Variants in DNMBP observed in about 807,000 individuals in gnomAD.
The protein encoded by DNMBP is dynamin binding protein.
Under a neutral mutation model 150.0 loss-of-function variants are expected in DNMBP, and 87 were observed. The ratio of observed to expected loss-of-function variants is 0.58; its 90% confidence interval spans 0.49 to 0.69. The LOEUF (loss-of-function observed/expected upper bound fraction) is 0.69, where lower values mean the gene tolerates loss of function less well. Ranked by LOEUF, DNMBP falls within the 30% of genes least tolerant of loss-of-function variation. The pLI is 0.00. For synonymous variants in DNMBP, 711 were observed against 750.4 expected (o/e 0.95, Z 0.86); for missense variants, 1,774 against 1,949.0 (o/e 0.91, Z 1.69).
In DNMBP at chr10:99,986,620, A is replaced by AAAAAAAC. The variant is rs1480261653; in HGVS notation, c.-10-14487_-10-14486insGTTTTTT. ...AAAAAAAAAAAAAAAAAAAAAAAAA[A>AAAAAAAC]AAAAACCTGCAAGGCAGGATAATAT... is the stretch of plus-strand genomic sequence containing the variant. On this transcript the variant is annotated intron_variant, in intron 1 of 16. Transcript: ENST00000324109. Among the ~76,000 whole-genome samples, 9 of 136,562 alleles carry AAAAAAAC rather than the reference A, an allele frequency of 6.6e-5. No individual in the cohort carries two copies. In the South Asian group the frequency reaches 9.1e-4, roughly 14 times the overall value. The allele number at this position is 136,562 out of a possible 152,430, so 89.6% of individuals were successfully genotyped here.
At chr10:99,892,440 G>T (rs1045931883) in intron 11 of DNMBP, among the ~76,000 whole-genome samples, 1 of 134,144 alleles carries the variant, frequency 7.5e-6, no homozygotes. Flanking sequence ...TTGGGATCCT[G>T]TTGATCTGTG....
At chr10:100,008,886 G>T (rs2041102805) in intron 1 of DNMBP, among the ~76,000 whole-genome samples, 1 of 152,150 alleles carries the variant, frequency 6.6e-6, no homozygotes, top group Non-Finnish European at 1.5e-5. Context: ...CTGCTCATCC[G>T]TTTAACTCAG....
chr10:99,879,374 G>A (rs1031759576), intron 16 of DNMBP, among the ~76,000 whole-genome samples: 2 of 152,044 alleles, frequency 1.3e-5, no homozygotes, highest in African/African-American at 4.8e-5. Context: ...TGAGGCATGA[G>A]AAATGAGAAT....
In DNMBP at chr10:99,880,499, C is replaced by T. The variant is rs1378439672; in HGVS notation, c.3998-138G>A. 3 of 1,206,896 alleles carry T rather than the reference C, an allele frequency of 2.5e-6. No individual in the cohort carries two copies. In the African/African-American group the frequency reaches 4.6e-5, roughly 19 times the overall value. The allele number at this position is 1,206,896 out of a possible 1,614,324, so 74.8% of individuals were successfully genotyped here. A position where few individuals can be genotyped will look rare whatever the true frequency, so the allele number is the denominator to read the frequency against. On this transcript the variant is annotated intron_variant, in intron 15 of 16. Transcript: ENST00000324109. ...GTAAAACAAAAACTCAAAAGCCAGGCCAATAGTGAGAGACACAAAATAAAA... is the reference window on the plus strand; with the variant it reads ...GTAAAACAAAAACTCAAAAGCCAGGTCAATAGTGAGAGACACAAAATAAAA...
rs952878688 is a variant in DNMBP at position 99,957,118 on chromosome 10, G to A, written c.356C>T (p.Ser119Leu). Reference sequence around the variant, plus strand: ...GGAGAGGCAGAGCTCGCGGACACATGAAGATGGGAAGAAGCCCCGTGCGCC... The same window carrying A: ...GGAGAGGCAGAGCTCGCGGACACATAAAGATGGGAAGAAGCCCCGTGCGCC... ...CWGARGFFPSSCVRELCLSSQ... is the reference protein window; with the variant it reads ...CWGARGFFPSLCVRELCLSSQ... Residue 119 changes from serine (S) to leucine (L), a missense_variant, in exon 4 of 17, where the codon TCA becomes TTA. By Grantham distance (145) the Ser-to-Leu change is moderately radical. Coordinates refer to ENST00000324109, the MANE Select transcript of DNMBP (RefSeq NM_015221.4). 4 of 1,613,770 alleles carry A rather than the reference G, an allele frequency of 2.5e-6. No individual in the cohort carries two copies. The highest frequency in any genetic ancestry group is 3.4e-6 in the Non-Finnish European group (4 of 1,180,032).
intron 4 of DNMBP, among the ~76,000 whole-genome samples, chr10:99,933,085 AG>A (rs1337675999): frequency 6.6e-6 from 1 of 150,474 alleles, no homozygotes; most frequent in Non-Finnish European, 1.5e-5. Flanking sequence ...ACTTGAGCCC[AG>A]GAGTTTGAGG....
At chr10:99,905,520 C>A (rs2039813772) in intron 6 of DNMBP, among the ~76,000 whole-genome samples, 1 of 152,046 alleles carries the variant, frequency 6.6e-6, no homozygotes. Flanking sequence ...CTCAGGAATT[C>A]AAGACCAGCC....
intron 11 of DNMBP, among the ~76,000 whole-genome samples, chr10:99,890,163 T>C (rs1408956811): frequency 1.3e-5 from 2 of 152,204 alleles, no homozygotes; most frequent in Admixed American, 1.3e-4. Flanking sequence ...CTAATTCCTC[T>C]TGAGTGGGAG....
Position 99,880,050 on chromosome 10 carries a change from C to T in DNMBP, c.4309G>A (p.Asp1437Asn). 6.2e-7 allele frequency: 1 copy of T among 1,614,198 alleles called. No homozygotes were observed. The highest frequency in any genetic ancestry group is 8.5e-7 in the Non-Finnish European group (1 of 1,180,030). Reference protein sequence around the residue: ...SESSPSRCPSDPDSTSQPRSG... With the variant: ...SESSPSRCPSNPDSTSQPRSG... Reference sequence around the variant, plus strand: ...CTTGGCTGGGAGGTGGAGTCTGGGTCTGAAGGGCATCTGGAAGGACTACTC... The same window carrying T: ...CTTGGCTGGGAGGTGGAGTCTGGGTTTGAAGGGCATCTGGAAGGACTACTC... Residue 1437 changes from aspartate (D) to asparagine (N), a missense_variant, in exon 16 of 17, where the codon GAC (aspartate) becomes AAC (asparagine). Around this residue, in one of 2 missense-constraint regions of DNMBP, gnomAD observed 1,430 missense variants for 1,492.5 expected, o/e 0.96. Coordinates refer to ENST00000324109, the MANE Select transcript of DNMBP (RefSeq NM_015221.4).
chr10:99,983,704 C>A (rs527988214), intron 1 of DNMBP, among the ~76,000 whole-genome samples: 2 of 152,172 alleles, frequency 1.3e-5, no homozygotes, highest in Non-Finnish European at 2.9e-5. Context: ...TACAGAATGT[C>A]GAACTGGAAG....
chr10:99,924,688 GAT>G (rs771308408), intron 4 of DNMBP, among the ~76,000 whole-genome samples: 1 of 152,184 alleles, frequency 6.6e-6, no homozygotes, highest in Non-Finnish European at 1.5e-5. Context: ...AATTAAAGGA[GAT>G]ATGGGATCTA....
intron 4 of DNMBP, among the ~76,000 whole-genome samples, chr10:99,915,053 C>A (rs1211159275): frequency 7.0e-6 from 1 of 142,788 alleles, no homozygotes; most frequent in Non-Finnish European, 1.5e-5. Flanking sequence ...GAGATCGTAC[C>A]ATTGCACTCC....
intron 3 of DNMBP, among the ~76,000 whole-genome samples, chr10:99,962,780 A>T (rs1488045967): frequency 6.6e-6 from 1 of 152,224 alleles, no homozygotes; most frequent in Non-Finnish European, 1.5e-5. Flanking sequence ...AAAGCGTGCC[A>T]TAACTCCCAC....
chr10:99,891,566 C>T (rs1307157786), intron 11 of DNMBP, among the ~76,000 whole-genome samples: 7 of 151,904 alleles, frequency 4.6e-5, no homozygotes, highest in African/African-American at 1.2e-4. Flanking sequence ...CCCAAAGTGC[C>T]GAGATTGCAG....
chr10:99,921,511 T>C (rs536483932), intron 4 of DNMBP, among the ~76,000 whole-genome samples: 15 of 152,288 alleles, frequency 9.8e-5, no homozygotes, highest in African/African-American at 3.4e-4. Flanking sequence ...GTGTACTCTG[T>C]ATGCACTCAA....
chr10:99,975,038 G>A (rs960196371), intron 1 of DNMBP, among the ~76,000 whole-genome samples: 3 of 152,128 alleles, frequency 2.0e-5, no homozygotes, highest in African/African-American at 7.2e-5. Context: ...GGGGTTACAG[G>A]GAGAAGCCAC....
At chr10:99,879,626 A>G (rs1396896567) in intron 16 of DNMBP, among the ~76,000 whole-genome samples, 185 bp downstream of exon 16, 2 of 152,206 alleles carry the variant, frequency 1.3e-5, no homozygotes, top group East Asian at 1.9e-4. Flanking sequence ...GTGAAGTATC[A>G]GCAGGGGAAG....
chr10:100,003,865 TAAATA>T (rs1184934673), intron 1 of DNMBP, among the ~76,000 whole-genome samples: 2 of 151,474 alleles, frequency 1.3e-5, no homozygotes, highest in African/African-American at 2.4e-5. Context: ...AATAAATAAA[TAAATA>T]AAATAAGATG....
In DNMBP at chr10:99,956,518, C is replaced by T; in HGVS notation, c.956G>A (p.Arg319Lys). 1 of 1,614,134 alleles carries T rather than the reference C, an allele frequency of 6.2e-7. No individual in the cohort carries two copies. Among genetic ancestry groups the T allele is most frequent in the East Asian group, 2.2e-5 (1 of 44,884 alleles). The change falls in exon 4 of 17, where the codon AGG (arginine) becomes AAG (lysine). Residue 319 changes from arginine to lysine, a missense_variant. Arg to Lys is a conservative substitution (Grantham distance 26, BLOSUM62 2). This residue lies in a region of DNMBP where 344 missense variants were observed against 456.6 expected (regional missense o/e 0.75). Coordinates refer to ENST00000324109, the MANE Select transcript of DNMBP (RefSeq NM_015221.4). ...MALPQEGSLA[R>K]IPETSLDCLE... The stretch of plus-strand genomic sequence containing the variant: ...ACAATCCAAAGAAGTTTCCGGGATC[C>T]TGGCAAGGCTGCCTTCCTGGGGCAG...
Sources: allele counts gnomAD v4.1 joint callset (sites outside exome capture counted in the v4.1 genomes callset), GRCh38; gene constraint gnomAD v4.1.1; regional missense constraint gnomAD v4.1.1; transcripts MANE v1.5; gene names NCBI Gene and HGNC (gene_info 2026-07-23, HGNC 2026-07-21).